NPSR1: variants seen among roughly 807,000 people sequenced by gnomAD.
NPSR1 encodes neuropeptide S receptor 1, also known as neuropeptide S receptor.
A neutral mutation model predicts 46.9 loss-of-function variants in NPSR1; 48 were observed. The observed-to-expected ratio is 1.02, with a 90% CI of 0.81 to 1.30. NPSR1 has a LOEUF of 1.30. NPSR1 is among the 50% of genes most tolerant of loss of function. The pLI, the probability that NPSR1 is intolerant of heterozygous loss-of-function variation, is 0.00. For missense variants in NPSR1, 450 were observed against 449.5 expected (o/e 1.00, Z -0.01); for synonymous variants, 176 against 168.1 (o/e 1.05, Z -0.36).
At chr7:34,750,411 G>T in intron 2 of NPSR1, 1 of 745,186 alleles carries the variant, frequency 1.3e-6, no homozygotes, top group Non-Finnish European at 2.5e-6. Flanking sequence ...GTGTTCGGAT[G>T]CCGATGGGTA....
chr7:34,812,758 G>A (rs1279920232), intron 4 of NPSR1, among the ~76,000 whole-genome samples: 1 of 152,106 alleles, frequency 6.6e-6, no homozygotes, highest in Non-Finnish European at 1.5e-5. Context: ...CCTTCCTCCA[G>A]ATAACTTCGA....
At chr7:34,659,967 G>A (rs1183042812) in intron 1 of NPSR1, among the ~76,000 whole-genome samples, 2 of 152,166 alleles carry the variant, frequency 1.3e-5, no homozygotes, top group African/African-American at 2.4e-5. Flanking sequence ...AATAAAATCA[G>A]CAATAAGGTG....
chr7:34,833,095 A>G lies in NPSR1; in HGVS notation c.681-1289A>G, dbSNP rs552381912. On this transcript the variant is annotated intron_variant, in intron 5 of 8. Transcript: ENST00000360581. ...GGCAGTAAGAAGCAGAGATTTTAAC[A>G]TTGCCATTAATTAAGTTATATTCTA... is the stretch of plus-strand genomic sequence containing the variant. 3.1e-3 allele frequency among the ~76,000 whole-genome samples: 477 copies of G among 152,322 alleles called. 1 individual carries two copies. Among genetic ancestry groups the G allele is most frequent in the Non-Finnish European group, 5.9e-3 (401 of 68,030 alleles).
chr7:34,702,667 T>C (rs144064573), intron 2 of NPSR1, among the ~76,000 whole-genome samples: 43 of 152,344 alleles, frequency 2.8e-4, no homozygotes, highest in Non-Finnish European at 4.9e-4. Flanking sequence ...TAAGTTCCTA[T>C]TGCTGGCTGT....
Position 34,844,993 on chromosome 7 carries a change from T to A in NPSR1, c.844+11T>A. The A allele has an allele frequency of 6.3e-7, 1 of 1,595,162 alleles. No homozygotes were observed. The highest frequency in any genetic ancestry group is 1.3e-5 in the African/African-American group (1 of 74,640). Reference sequence around the variant, plus strand: ...TCATCATCATTCTTGGTAAGCAATGTCCCTCCTTGAGCTGTAAAGTGGTAT... The same window carrying A: ...TCATCATCATTCTTGGTAAGCAATGACCCTCCTTGAGCTGTAAAGTGGTAT... On this transcript the variant is annotated intron_variant, in intron 7 of 8. Transcript: ENST00000360581.
At chr7:34,752,008 A>C in intron 2 of NPSR1, 1 of 796,746 alleles carries the variant, frequency 1.3e-6, no homozygotes, top group Non-Finnish European at 2.2e-6. Context: ...ATGGCATGGC[A>C]CACCTGCTGG....
chr7:34,795,492 T>C (rs1788133086), intron 3 of NPSR1, among the ~76,000 whole-genome samples: 1 of 152,122 alleles, frequency 6.6e-6, no homozygotes, highest in African/African-American at 2.4e-5. Context: ...GTGACATGAT[T>C]GTCTATGCAG....
intron 8 of NPSR1, among the ~76,000 whole-genome samples, chr7:34,862,568 GA>G (rs764552861): frequency 6.6e-6 from 1 of 151,648 alleles, no homozygotes; most frequent in Non-Finnish European, 1.5e-5. Flanking sequence ...TCTTTGCCTG[GA>G]TGGACCCTAA....
intron 8 of NPSR1, among the ~76,000 whole-genome samples, chr7:34,872,553 A>G (rs1791482827): frequency 6.6e-6 from 1 of 151,892 alleles, no homozygotes; most frequent in African/African-American, 2.4e-5. Context: ...TGCTGCTGAT[A>G]GAGACATACC....
At chr7:34,671,348 A>T (rs942735620) in intron 1 of NPSR1, among the ~76,000 whole-genome samples, 1 of 152,190 alleles carries the variant, frequency 6.6e-6, no homozygotes, top group Admixed American at 6.5e-5. Flanking sequence ...GAGTGAGCAC[A>T]TATTATATTT....
chr7:34,696,208 C>T (rs974320067), intron 2 of NPSR1, among the ~76,000 whole-genome samples: 1 of 151,358 alleles, frequency 6.6e-6, no homozygotes, highest in Non-Finnish European at 1.5e-5. Context: ...AGTAAAATAA[C>T]TCAGAAGCAA....
At chr7:34,658,804 G>T (rs1791312315) in intron 1 of NPSR1, among the ~76,000 whole-genome samples, 1 of 152,322 alleles carries the variant, frequency 6.6e-6, no homozygotes, top group African/African-American at 2.4e-5. Context: ...TGTGAATCGT[G>T]AGTAACATTT....
intron 3 of NPSR1, among the ~76,000 whole-genome samples, chr7:34,780,612 A>G (rs1787187533): frequency 2.0e-5 from 3 of 152,180 alleles, no homozygotes; most frequent in Admixed American, 1.3e-4. Flanking sequence ...GAGAAAAATG[A>G]GCTTTGCGGT....
chr7:34,781,427 A>C lies in NPSR1; in HGVS notation c.384+2862A>C, dbSNP rs567490790. The stretch of plus-strand genomic sequence containing the variant: ...CAACATCGTGAAGGAAAAAATGGAG[A>C]ATAACCACATAGAAAGAATTGCTGG... On this transcript the variant is annotated intron_variant, in intron 3 of 8. Coordinates refer to ENST00000360581, the MANE Select transcript of NPSR1 (RefSeq NM_207172.2). Among the ~76,000 whole-genome samples the C allele has an allele frequency of 3.9e-5, 6 of 152,292 alleles. No individual in the cohort carries two copies. In the East Asian group the frequency reaches 1.2e-3, roughly 29 times the overall value.
intron 5 of NPSR1, among the ~76,000 whole-genome samples, chr7:34,831,396 G>A (rs1790112818): frequency 6.6e-6 from 1 of 151,594 alleles, no homozygotes; most frequent in Admixed American, 6.6e-5. Context: ...CTAATGCCTA[G>A]ATCAGTTTTT....
At chr7:34,792,691 A>ATATATATATT in intron 3 of NPSR1, among the ~76,000 whole-genome samples, 1 of 95,648 alleles carries the variant, frequency 1.0e-5, no homozygotes, top group African/African-American at 3.6e-5. Flanking sequence ...ATATATATGT[A>ATATATATATT]TATATATACG....
At chr7:34,740,778 A>G (rs2128718827) in intron 2 of NPSR1, among the ~76,000 whole-genome samples, 1 of 152,202 alleles carries the variant, frequency 6.6e-6, no homozygotes, top group Admixed American at 6.5e-5. Context: ...TGCAGGAACA[A>G]TCTGCTTCCT....
At chr7:34,701,573 C>T (rs1240793837) in intron 2 of NPSR1, among the ~76,000 whole-genome samples, 1 of 152,206 alleles carries the variant, frequency 6.6e-6, no homozygotes, top group East Asian at 1.9e-4. Context: ...TGCCTTCTCT[C>T]TTATTAATCT....
intron 8 of NPSR1, among the ~76,000 whole-genome samples, chr7:34,865,367 G>A (rs552037622): frequency 6.6e-6 from 1 of 151,630 alleles, no homozygotes; most frequent in East Asian, 1.9e-4. Context: ...ACAGAGACGC[G>A]GAAGAAACTT....
Sources: allele counts gnomAD v4.1 joint callset (sites outside exome capture counted in the v4.1 genomes callset), GRCh38; gene constraint gnomAD v4.1.1; transcripts MANE v1.5; gene names NCBI Gene and HGNC (gene_info 2026-07-23, HGNC 2026-07-21).